ADNP: variants seen among roughly 807,000 people sequenced by gnomAD.
ADNP encodes the protein activity-dependent neuroprotector homeobox protein.
A neutral mutation model predicts 84.9 loss-of-function variants in ADNP; 4 were observed. That is an observed-to-expected ratio of 0.05 (90% CI 0.02 to 0.11). ADNP has a LOEUF of 0.11. Ranked by LOEUF, ADNP falls within the 10% of genes least tolerant of loss-of-function variation. The pLI is 1.00. For missense variants in ADNP, 1,132 were observed against 1,326.0 expected, an observed-to-expected ratio of 0.85 and a Z score of 2.27; for synonymous variants, 554 against 468.1, an observed-to-expected ratio of 1.18 and a Z score of -2.37.
At chr20:50,922,595 T>TA (rs1984030442) in intron 2 of ADNP, among the ~76,000 whole-genome samples, 1 of 148,982 alleles carries the variant, frequency 6.7e-6, no homozygotes, top group Admixed American at 6.7e-5. Flanking sequence ...TTTTTTTTTT[T>TA]TAAAGACAGA....
chr20:50,923,155 T>G (rs1568744838), intron 2 of ADNP, among the ~76,000 whole-genome samples: 1 of 152,164 alleles, frequency 6.6e-6, no homozygotes. Context: ...CCAGTATGTA[T>G]CACAACACCA....
chr20:50,898,735 A>G (rs760874624), intron 5 of ADNP, among the ~76,000 whole-genome samples: 1 of 152,264 alleles, frequency 6.6e-6, no homozygotes, highest in Non-Finnish European at 1.5e-5. Context: ...ATGAGATTAA[A>G]CCATGCACAA....
chr20:50,898,018 A>T (rs1225354678), intron 5 of ADNP, among the ~76,000 whole-genome samples: 1 of 152,144 alleles, frequency 6.6e-6, no homozygotes, highest in Non-Finnish European at 1.5e-5. Flanking sequence ...TGTGGCCTGC[A>T]ACATTGCCCC....
intron 2 of ADNP, among the ~76,000 whole-genome samples, chr20:50,914,718 T>C (rs1983373402): frequency 6.6e-6 from 1 of 152,176 alleles, no homozygotes; most frequent in Non-Finnish European, 1.5e-5. Context: ...GTCTCTGAAA[T>C]AGAATAGCTC....
At position 50,889,591 on chromosome 20, in the gene ADNP, A is replaced by G. The variant is rs1156707995; in HGVS notation, c.*1814T>C. On this transcript the variant is annotated 3_prime_UTR_variant, in exon 6 of 6. Transcript: ENST00000621696. ...CTACTCTCTGGTAACAGCATTAACA[A>G]GAGTCTTTCTTTTGGAAACAGACTC... 1.6e-5 allele frequency: 5 copies of G among 320,928 alleles called. No individual in the cohort carries two copies. The highest frequency in any genetic ancestry group is 2.8e-5 in the Non-Finnish European group (5 of 177,556). The allele number at this position is 320,928 out of a possible 1,614,324, so 19.9% of individuals were successfully genotyped here. A position where few individuals can be genotyped will look rare whatever the true frequency, so the allele number is the denominator to read the frequency against.
intron 1 of ADNP, among the ~76,000 whole-genome samples, chr20:50,929,723 T>G (rs1348130467): frequency 6.6e-6 from 1 of 152,150 alleles, no homozygotes; most frequent in African/African-American, 2.4e-5. Context: ...AGAGATTTTT[T>G]TTTTTTTCAT....
At position 50,894,497 on chromosome 20, in the gene ADNP, G is replaced by C. The variant is rs1219215759; in HGVS notation, c.217C>G (p.Pro73Ala). 1 of 1,595,874 alleles carries C rather than the reference G, an allele frequency of 6.3e-7. No individual in the cohort carries two copies. Among genetic ancestry groups the C allele is most frequent in the African/African-American group, 1.4e-5 (1 of 73,672 alleles). ...AATGGACAAGCGCTGCAGCAGAAAGGTTTTGTCCGATAGTCCTAAAGTAAA... is the reference window on the plus strand; with the variant it reads ...AATGGACAAGCGCTGCAGCAGAAAGCTTTTGTCCGATAGTCCTAAAGTAAA... ...LTKNQDYRTK[P>A]FCCSACPFSS... Residue 73 changes from proline (P) to alanine (A), a missense_variant, in exon 6 of 6, where the codon CCT becomes GCT. Pro to Ala is a conservative substitution (Grantham distance 27). Around this residue, in one of 10 missense-constraint regions of ADNP, gnomAD observed 56 missense variants for 94.6 expected, o/e 0.59. Transcript: ENST00000621696.
intron 2 of ADNP, among the ~76,000 whole-genome samples, chr20:50,921,813 C>T (rs1276460064): frequency 1.3e-5 from 2 of 152,170 alleles, no homozygotes; most frequent in Non-Finnish European, 2.9e-5. Context: ...TATTTGAAAG[C>T]GGGGGAAGAT....
At position 50,889,649 on chromosome 20, in the gene ADNP, T is replaced by C. The variant is rs558254711; in HGVS notation, c.*1756A>G. The stretch of plus-strand genomic sequence containing the variant: ...ATGGACATCAGCCACTTCAGACTTC[T>C]TTAGGCCACTATCCTTGAGGTGACT... On this transcript the variant is annotated 3_prime_UTR_variant, in exon 6 of 6. Transcript: ENST00000621696. The C allele has an allele frequency of 7.3e-5, 28 of 381,706 alleles. No homozygotes were observed. Among genetic ancestry groups the C allele is most frequent in the African/African-American group, 5.6e-4 (27 of 48,456 alleles). 23.6% of individuals were successfully genotyped at this position (381,706 alleles called of 1,614,324 possible).
chr20:50,919,291 G>GTATATATATATATATA (rs199569280), intron 2 of ADNP, among the ~76,000 whole-genome samples: 55 of 77,188 alleles, frequency 7.1e-4, no homozygotes, highest in African/African-American at 2.6e-3. Context: ...ATATTTAAGT[G>GTATATATATATATATA]TATATATATA....
chr20:50,929,938 T>G (rs908143146), intron 1 of ADNP, among the ~76,000 whole-genome samples: 4 of 149,234 alleles, frequency 2.7e-5, no homozygotes, highest in East Asian at 2.0e-4. Context: ...GTGTGGGGGG[T>G]GTGTGTGTGT....
At chr20:50,897,795 G>C (rs540571900) in intron 5 of ADNP, among the ~76,000 whole-genome samples, 17 of 152,306 alleles carry the variant, frequency 1.1e-4, no homozygotes, top group African/African-American at 4.1e-4. Flanking sequence ...TTGCTTATCA[G>C]CGACAATAAG....
chr20:50,914,378 CAAGAGAA>C (rs1983334692), intron 2 of ADNP: 2 of 612,062 alleles, frequency 3.3e-6, no homozygotes, highest in Non-Finnish European at 6.0e-6. Context: ...GTTTAGTACT[CAAGAGAA>C]TGGTAGAAGG....
chr20:50,917,706 A>G (rs566607893), intron 2 of ADNP, among the ~76,000 whole-genome samples: 1 of 152,328 alleles, frequency 6.6e-6, no homozygotes, highest in Admixed American at 6.5e-5. Flanking sequence ...TAAAAGTCCA[A>G]AAAGTTACAT....
intron 2 of ADNP, among the ~76,000 whole-genome samples, chr20:50,926,552 A>G (rs1984301478): frequency 6.6e-6 from 1 of 152,238 alleles, no homozygotes. Context: ...TACTACACTT[A>G]GATGTATTGT....
At chr20:50,927,560 CTTT>C (rs10716858) in intron 2 of ADNP, among the ~76,000 whole-genome samples, 7 of 144,450 alleles carry the variant, frequency 4.8e-5, no homozygotes, top group Non-Finnish European at 6.1e-5. Flanking sequence ...AATTGTTTCA[CTTT>C]TTTTTTTTTT....
Position 50,893,429 on chromosome 20 carries a change from C to G in ADNP, c.1285G>C (p.Ala429Pro), listed in dbSNP as rs1252466737. 3 of 1,614,106 alleles carry G rather than the reference C, an allele frequency of 1.9e-6. No homozygotes were observed. In the South Asian group the frequency reaches 3.3e-5, roughly 18 times the overall value. Residue 429 changes from alanine to proline, a missense_variant, in exon 6 of 6, where the codon GCT becomes CCT. Transcript: ENST00000621696. The surrounding 1 kb of genome is among the most constrained non-coding windows in gnomAD (Gnocchi z 4.4). ...RVLGQSSSKP[A>P]AAATGPPPGN... ...GGGGGAGGGCCTGTGGCAGCTGCAG[C>G]AGGTTTGGAACTGGACTGACCTAAC...
chr20:50,920,990 A>C (rs1401754076), intron 2 of ADNP, among the ~76,000 whole-genome samples: 1 of 151,748 alleles, frequency 6.6e-6, no homozygotes, highest in Non-Finnish European at 1.5e-5. Flanking sequence ...GCCACTTACA[A>C]GCTTTGTGAT....
chr20:50,902,235 T>G, intron 4 of ADNP, 126 bp from the exon 5 acceptor site: 1 of 667,386 alleles, frequency 1.5e-6, no homozygotes, highest in Non-Finnish European at 2.6e-6. Flanking sequence ...AACAAGGACT[T>G]AAACTAGGAG....
Sources: gnomAD v4.1 joint callset for allele counts (sites outside exome capture counted in the v4.1 genomes callset) on GRCh38, gnomAD v4.1.1 for gene constraint, gnomAD v4.1.1 regional missense constraint, Gnocchi (gnomAD v3.1) non-coding constraint, MANE v1.5 for transcripts, NCBI Gene and HGNC (gene_info 2026-07-23, HGNC 2026-07-21) for gene names.